Variants in PCDHA3 observed in about 807,000 individuals in gnomAD.
PCDHA3 encodes the protein protocadherin alpha-3.
In PCDHA3, 41 loss-of-function variants were observed where a neutral mutation model predicts 62.2. The observed-to-expected ratio is 0.66, with a 90% CI of 0.51 to 0.86. PCDHA3 has a LOEUF of 0.86. PCDHA3 is among the 40% of genes least tolerant of loss of function. The pLI is 0.00. For missense variants in PCDHA3, 1,304 were observed against 1,241.2 expected, an observed-to-expected ratio of 1.05 and a Z score of -0.76; for synonymous variants, 640 against 555.4, an observed-to-expected ratio of 1.15 and a Z score of -2.14.
In PCDHA3 at chr5:140,801,705, T is replaced by A; in HGVS notation, c.508T>A (p.Tyr170Asn). ...TATCGGAACAAATTCGTTGTTGACT[T>A]ACAGTCTTGATTCCACTGAATATTT... ...ADIGTNSLLT[Y>N]SLDSTEYFTL... Residue 170 changes from tyrosine to asparagine, a missense_variant, in exon 1 of 4, where the codon TAC (tyrosine) becomes AAC (asparagine). By Grantham distance (143) the Tyr-to-Asn change is moderately radical. Transcript: ENST00000522353. 1 of 1,614,222 alleles carries A rather than the reference T, an allele frequency of 6.2e-7. No individual in the cohort carries two copies. The highest frequency in any genetic ancestry group is 2.2e-5 in the East Asian group (1 of 44,894).
At position 140,856,354 on chromosome 5, in the gene PCDHA3, C is replaced by T. The variant is rs2043948019; in HGVS notation, c.2394+52763C>T. On this transcript the variant is annotated intron_variant, in intron 1 of 3. Coordinates refer to ENST00000522353, the MANE Select transcript of PCDHA3 (RefSeq NM_018906.3). ...TGTGCGGGCGGAGCGTGGAGTGCAGCATCCACCTGGAGGTGATCGTGGACA... is the reference window on the plus strand; with the variant it reads ...TGTGCGGGCGGAGCGTGGAGTGCAGTATCCACCTGGAGGTGATCGTGGACA... The T allele has an allele frequency of 3.8e-6, 6 of 1,598,616 alleles. 1 individual carries two copies. Among genetic ancestry groups the T allele is most frequent in the African/African-American group, 2.7e-5 (2 of 74,434 alleles).
At chr5:140,826,677 T>A (rs897624044) in intron 1 of PCDHA3, among the ~76,000 whole-genome samples, 2 of 152,092 alleles carry the variant, frequency 1.3e-5, no homozygotes, top group African/African-American at 4.8e-5. Context: ...TAGACGTAAT[T>A]AAAAAAACCC....
intron 1 of PCDHA3, among the ~76,000 whole-genome samples, chr5:140,821,171 C>G (rs1442179324): frequency 6.6e-6 from 1 of 151,960 alleles, no homozygotes; most frequent in Non-Finnish European, 1.5e-5. Context: ...TACAAACATT[C>G]CATTGACTAA....
At chr5:140,856,734 T>C in intron 1 of PCDHA3, 1 of 1,596,648 alleles carries the variant, frequency 6.3e-7, no homozygotes. Context: ...TCTCTGCTGA[T>C]CCTGGTGTTA....
intron 3 of PCDHA3, among the ~76,000 whole-genome samples, chr5:141,007,166 A>C (rs548434277): frequency 3.3e-5 from 5 of 152,294 alleles, no homozygotes; most frequent in Admixed American, 6.5e-5. Context: ...GAACAGTCAG[A>C]GAGAAAGGTC....
rs2150365514 is a variant in PCDHA3 at position 140,843,720 on chromosome 5, G to C, written c.2394+40129G>C. 5.1e-6 allele frequency: 8 copies of C among 1,565,554 alleles called. 1 individual carries two copies. The South Asian group carries it at 9.0e-5, about 18-fold the overall frequency. ...AATGTTGATCATGGCCTCAAAGTAA[G>C]TCCATTTAAATTTAGAACTCATAAA... is the stretch of plus-strand genomic sequence containing the variant. On this transcript the variant is annotated intron_variant, in intron 1 of 3. Coordinates refer to ENST00000522353, the MANE Select transcript of PCDHA3 (RefSeq NM_018906.3).
chr5:140,993,630 C>T (rs1305182880), intron 3 of PCDHA3, among the ~76,000 whole-genome samples: 2 of 152,054 alleles, frequency 1.3e-5, no homozygotes, highest in South Asian at 4.2e-4. Flanking sequence ...TATATATAGT[C>T]GTGTACCAAA....
intron 3 of PCDHA3, among the ~76,000 whole-genome samples, chr5:140,987,740 A>G (rs1454887233): frequency 6.6e-6 from 1 of 152,078 alleles, no homozygotes; most frequent in Admixed American, 6.5e-5. Flanking sequence ...CAAAATTTAG[A>G]CCCAGGTTGT....
intron 3 of PCDHA3, among the ~76,000 whole-genome samples, chr5:141,001,281 A>T (rs1239906088): frequency 6.6e-6 from 1 of 152,168 alleles, no homozygotes; most frequent in African/African-American, 2.4e-5. Context: ...TTTTTTACGG[A>T]TGAAAACTGA....
intron 1 of PCDHA3, among the ~76,000 whole-genome samples, chr5:140,899,418 C>T (rs552409062): frequency 1.3e-5 from 2 of 152,254 alleles, no homozygotes; most frequent in African/African-American, 4.8e-5. Context: ...TGAATTTTGT[C>T]AAAGGTCTTT....
chr5:140,897,790 T>C (rs1219376194), intron 1 of PCDHA3, among the ~76,000 whole-genome samples: 378 of 152,274 alleles, frequency 2.5e-3, no homozygotes, highest in African/African-American at 8.4e-3. Flanking sequence ...GTTGAACTAG[T>C]TTAGAGTCCC....
At chr5:140,805,078 C>T in intron 1 of PCDHA3, 2 of 1,593,568 alleles carry the variant, frequency 1.3e-6, no homozygotes, top group Non-Finnish European at 1.7e-6. Context: ...CTTCAATCTT[C>T]AAATCCAGCT....
chr5:140,979,048 C>T, intron 2 of PCDHA3, 41 bp downstream of exon 2: 2 of 1,611,774 alleles, frequency 1.2e-6, no homozygotes, highest in East Asian at 2.2e-5. Context: ...GTAACCTTAA[C>T]TTGGTATGGC....
chr5:140,809,086 A>C (rs781838833), intron 1 of PCDHA3: 4 of 1,613,938 alleles, frequency 2.5e-6, no homozygotes, highest in Non-Finnish European at 2.5e-6. Context: ...AGATCAGCAC[A>C]ACGCGTGCCC....
chr5:140,931,683 A>G (rs1482331530), intron 1 of PCDHA3, among the ~76,000 whole-genome samples: 2 of 151,950 alleles, frequency 1.3e-5, no homozygotes, highest in African/African-American at 4.8e-5. Flanking sequence ...AAATAAATGA[A>G]TTGTGATTCA....
chr5:140,804,540 A>G (rs1554123091), intron 1 of PCDHA3: 1 of 152,188 alleles, frequency 6.6e-6, no homozygotes, highest in African/African-American at 2.4e-5. Context: ...TTTATTCATT[A>G]GTGTCTTTTG....
Position 141,010,344 on chromosome 5 carries a change from G to C in PCDHA3, c.*407G>C. ...CAGCTTGGGAGTTTGTGGCCACTGG[G>C]TATGTGTGGCTACCGCGGGTATGCG... is the stretch of plus-strand genomic sequence containing the variant. On this transcript the variant is annotated 3_prime_UTR_variant, in exon 4 of 4. Transcript: ENST00000522353. 1 of 1,518,888 alleles carries C rather than the reference G, an allele frequency of 6.6e-7. No homozygotes were observed. Among genetic ancestry groups the C allele is most frequent in the Non-Finnish European group, 8.8e-7 (1 of 1,132,764 alleles). The allele number at this position is 1,518,888 out of a possible 1,614,324, so 94.1% of individuals were successfully genotyped here.
intron 1 of PCDHA3, among the ~76,000 whole-genome samples, chr5:140,818,769 G>C (rs1766434605): frequency 6.6e-6 from 1 of 152,182 alleles, no homozygotes; most frequent in Non-Finnish European, 1.5e-5. Context: ...GCCTGAGGCT[G>C]CAATGAACTT....
rs1781426453 is a variant in PCDHA3, at chr5:140,848,298, G to A, written c.2394+44707G>A. On this transcript the variant is annotated intron_variant, in intron 1 of 3. Transcript: ENST00000522353. ...TATGTACTTACACTTTGGGCCACGTGATGTCACTCTTTGCCGCGATGTTCT... is the reference window on the plus strand; with the variant it reads ...TATGTACTTACACTTTGGGCCACGTAATGTCACTCTTTGCCGCGATGTTCT... 1.4e-5 allele frequency: 9 copies of A among 661,966 alleles called. 1 individual carries two copies. The Admixed American group carries it at 2.4e-4, about 18-fold the overall frequency. The allele number at this position is 661,966 out of a possible 1,614,324, so 41.0% of individuals were successfully genotyped here. A position where few individuals can be genotyped will look rare whatever the true frequency, so the allele number is the denominator to read the frequency against.
Sources: allele counts gnomAD v4.1 joint callset (sites outside exome capture counted in the v4.1 genomes callset), GRCh38; gene constraint gnomAD v4.1.1; transcripts MANE v1.5; gene names NCBI Gene and HGNC (gene_info 2026-07-23, HGNC 2026-07-21).